Variants in NME7 observed in about 807,000 individuals in gnomAD.
NME7 encodes the protein NME/NM23 family member 7.
In NME7, 41 loss-of-function variants were observed where a neutral mutation model predicts 49.1. That is an observed-to-expected ratio of 0.83 (90% CI 0.65 to 1.08). The LOEUF is 1.08. Ranked by LOEUF, NME7 falls within the 50% of genes least tolerant of loss-of-function variation. NME7 has a pLI of 0.00. For synonymous variants in NME7, 139 were observed against 150.6 expected (o/e 0.92, Z 0.56); for missense variants, 423 against 463.4 (o/e 0.91, Z 0.80).
rs373206456 is a variant in NME7 at position 169,364,201 on chromosome 1, G to A, written c.3+3507C>T. Among the ~76,000 whole-genome samples the A allele has an allele frequency of 2.4e-4, 36 of 152,264 alleles. 1 individual carries two copies. Among genetic ancestry groups the A allele is most frequent in the Admixed American group, 1.2e-3 (19 of 15,298 alleles). On this transcript the variant is annotated intron_variant, in intron 1 of 11. Coordinates refer to ENST00000367811, the MANE Select transcript of NME7 (RefSeq NM_013330.5). ...CTAGGCAATACTGTGAACAACATAA[G>A]CATGAATTCCTCCAACAGTTCACAT... is the stretch of plus-strand genomic sequence containing the variant.
chr1:169,316,645 C>G (rs948326516), intron 3 of NME7, among the ~76,000 whole-genome samples: 1 of 152,086 alleles, frequency 6.6e-6, no homozygotes, highest in Non-Finnish European at 1.5e-5. Flanking sequence ...CTTTAGAGAA[C>G]CAGAGAGATG....
At chr1:169,262,732 C>G (rs1649203115) in intron 7 of NME7, among the ~76,000 whole-genome samples, 1 of 133,526 alleles carries the variant, frequency 7.5e-6, no homozygotes, top group Non-Finnish European at 1.8e-5. Flanking sequence ...CCACATGGAC[C>G]CATGCAAGAC....
chr1:169,312,236 TAAG>T (rs1410920596), intron 3 of NME7, among the ~76,000 whole-genome samples: 1 of 152,212 alleles, frequency 6.6e-6, no homozygotes, highest in Non-Finnish European at 1.5e-5. Flanking sequence ...CTGTGGTCCT[TAAG>T]GAGGCTAGAG....
intron 1 of NME7, among the ~76,000 whole-genome samples, chr1:169,341,753 G>A (rs1354176427): frequency 2.6e-5 from 4 of 152,102 alleles, no homozygotes; most frequent in Non-Finnish European, 4.4e-5. Flanking sequence ...AGACCATTCT[G>A]GAGCTTTAAT....
intron 1 of NME7, among the ~76,000 whole-genome samples, chr1:169,347,092 T>C (rs968708683): frequency 6.6e-6 from 1 of 152,132 alleles, no homozygotes; most frequent in African/African-American, 2.4e-5. Context: ...GTGCCTGTAA[T>C]TGCAGCTACT....
At chr1:169,246,941 C>A in intron 7 of NME7, 1 of 435,466 alleles carries the variant, frequency 2.3e-6, no homozygotes, top group South Asian at 1.7e-5. Context: ...TGAAATTCAT[C>A]AAGATGCAAT....
chr1:169,296,709 T>G (rs1650722557), intron 6 of NME7, among the ~76,000 whole-genome samples: 1 of 151,908 alleles, frequency 6.6e-6, no homozygotes, highest in South Asian at 2.1e-4. Context: ...GCCACAGTTT[T>G]CCTCATTTCA....
chr1:169,160,729 T>C (rs1395379122), intron 11 of NME7, among the ~76,000 whole-genome samples: 1 of 152,150 alleles, frequency 6.6e-6, no homozygotes, highest in East Asian at 1.9e-4. Flanking sequence ...AAAACTTTGG[T>C]TTTCAGACAT....
In NME7 at chr1:169,287,363, T is replaced by C. The variant is rs1299902604; in HGVS notation, c.694A>G (p.Asn232Asp). Residue 232 changes from asparagine to aspartate, a missense_variant, in exon 7 of 12, where the codon AAC (asparagine) becomes GAC (aspartate). Asn to Asp is a conservative substitution (Grantham distance 23). Coordinates refer to ENST00000367811, the MANE Select transcript of NME7 (RefSeq NM_013330.5). The stretch of plus-strand genomic sequence containing the variant: ...GTACAATTAGTAAATTTAGCAGTGT[T>C]TGCCGGCCCACAACCTCCACTTGAA... ...FPSSGGCGPA[N>D]TAKFTNCTCC... 4 of 1,608,570 alleles carry C rather than the reference T, an allele frequency of 2.5e-6. No homozygotes were observed. Among genetic ancestry groups the C allele is most frequent in the Admixed American group, 1.7e-5 (1 of 59,108 alleles).
chr1:169,142,183 T>C (rs147623531), intron 11 of NME7, among the ~76,000 whole-genome samples: 2 of 152,312 alleles, frequency 1.3e-5, no homozygotes, highest in Admixed American at 6.5e-5. Context: ...CATAGTAAGA[T>C]TCAAGTTCAA....
chr1:169,136,578 C>T (rs1658440183), intron 11 of NME7, among the ~76,000 whole-genome samples: 1 of 152,186 alleles, frequency 6.6e-6, no homozygotes, highest in Non-Finnish European at 1.5e-5. Flanking sequence ...TACTTCTAAA[C>T]GTCTTACATG....
intron 10 of NME7, among the ~76,000 whole-genome samples, chr1:169,208,914 TC>T (rs1660743718): frequency 6.6e-6 from 1 of 152,080 alleles, no homozygotes; most frequent in African/African-American, 2.4e-5. Flanking sequence ...TGGATTTCGA[TC>T]CTGTAAGGTT....
intron 3 of NME7, among the ~76,000 whole-genome samples, chr1:169,322,759 A>G (rs996704525): frequency 6.6e-6 from 1 of 152,038 alleles, no homozygotes; most frequent in Admixed American, 6.6e-5. Flanking sequence ...CCTCCTGGTC[A>G]ACTAGATCAA....
chr1:169,132,864 C>CTT (rs763285952), intron 11 of NME7, 47 bp from the exon 12 acceptor site: 5 of 1,558,536 alleles, frequency 3.2e-6, no homozygotes, highest in African/African-American at 1.4e-5. Context: ...AAATTTTGGT[C>CTT]TTTTCCACTT....
intron 11 of NME7, among the ~76,000 whole-genome samples, chr1:169,139,113 A>G (rs181919364): frequency 1.3e-5 from 2 of 152,326 alleles, no homozygotes; most frequent in East Asian, 3.9e-4. Context: ...GAGTTTTCTC[A>G]TCTCAGTGTG....
At chr1:169,319,383 T>C (rs1651771544) in intron 3 of NME7, among the ~76,000 whole-genome samples, 1 of 152,232 alleles carries the variant, frequency 6.6e-6, no homozygotes, top group African/African-American at 2.4e-5. Context: ...TTTCAGTACC[T>C]TTTAAAAAAT....
At chr1:169,364,701 C>G (rs1653784331) in intron 1 of NME7, among the ~76,000 whole-genome samples, 1 of 152,178 alleles carries the variant, frequency 6.6e-6, no homozygotes, top group African/African-American at 2.4e-5. Context: ...GCTAACTGCC[C>G]TTGCTCATAC....
Position 169,276,696 on chromosome 1 carries a change from C to T in NME7, c.754+10607G>A, listed in dbSNP as rs183059693. Among the ~76,000 whole-genome samples the T allele has an allele frequency of 7.7e-3, 1,021 of 132,988 alleles. 240 individuals carry two copies. The highest frequency in any genetic ancestry group is 0.014 in the Non-Finnish European group (776 of 56,716). 87.2% of individuals were successfully genotyped at this position (132,988 alleles called of 152,430 possible). A position where few individuals can be genotyped will look rare whatever the true frequency, so the allele number is the denominator to read the frequency against. ...TTGGTCTCTATTTCCTTCAGTTCTG[C>T]TCTGATCTTAGTTATTTCTTGCCTT... On this transcript the variant is annotated intron_variant, in intron 7 of 11. Transcript: ENST00000367811.
intron 11 of NME7, among the ~76,000 whole-genome samples, chr1:169,138,935 T>G (rs907586669): frequency 6.6e-6 from 1 of 152,176 alleles, no homozygotes; most frequent in Non-Finnish European, 1.5e-5. Context: ...TTCCATAAAT[T>G]CATCATAAAA....
Sources: gnomAD v4.1 joint callset for allele counts (sites outside exome capture counted in the v4.1 genomes callset) on GRCh38, gnomAD v4.1.1 for gene constraint, MANE v1.5 for transcripts, NCBI Gene and HGNC (gene_info 2026-07-23, HGNC 2026-07-21) for gene names.